CYP2U1: variants seen among roughly 807,000 people sequenced by gnomAD.
CYP2U1 encodes cytochrome P450 2U1.
CYP2U1 carries 28 observed loss-of-function variants against 42.8 expected under a neutral mutation model. The ratio of observed to expected loss-of-function variants is 0.65; its 90% CI spans 0.48 to 0.90. CYP2U1 has a LOEUF of 0.90. Ranked by LOEUF, CYP2U1 falls within the 40% of genes least tolerant of loss-of-function variation. The pLI, the probability that CYP2U1 is intolerant of heterozygous loss-of-function variation, is 0.00. For missense variants in CYP2U1, 642 were observed against 693.8 expected (o/e 0.93, Z 0.84); for synonymous variants, 296 against 278.9 (o/e 1.06, Z -0.61).
rs1365725363 is a variant in CYP2U1 at position 107,934,020 on chromosome 4, G to T, written c.490+1887G>T. The stretch of plus-strand genomic sequence containing the variant: ...ATTGTGAATAATGCTGCTATAAATA[G>T]AAGGGGGCAAATATCTGAGTCCCTA... On this transcript the variant is annotated intron_variant, in intron 1 of 4. Transcript: ENST00000332884. Among the ~76,000 whole-genome samples, 6 of 152,254 alleles carry T rather than the reference G, an allele frequency of 3.9e-5. No individual in the cohort carries two copies. The South Asian group carries it at 1.2e-3, about 32-fold the overall frequency.
rs762803049 is a variant in CYP2U1 at position 107,944,851 on chromosome 4, T to TA, written c.491-119_491-118insA. 38,829 of 169,300 alleles carry TA rather than the reference T, an allele frequency of 0.23. 7,688 individuals carry two copies. Among genetic ancestry groups the TA allele is most frequent in the Non-Finnish European group, 0.27 (24,922 of 92,772 alleles). 10.5% of individuals were successfully genotyped at this position (169,300 alleles called of 1,614,324 possible). A position where few individuals can be genotyped will look rare whatever the true frequency, so the allele number is the denominator to read the frequency against. On this transcript the variant is annotated intron_variant, in intron 1 of 4. Transcript: ENST00000332884. ...GTCTTTATATATACATATATATATA[T>TA]TTATATGAGGAATTTTCCATAAGTG...
intron 1 of CYP2U1, among the ~76,000 whole-genome samples, chr4:107,939,907 T>C (rs1050224853): frequency 6.6e-6 from 1 of 152,094 alleles, no homozygotes; most frequent in Non-Finnish European, 1.5e-5. Context: ...GACAGAACTC[T>C]TGAAGTGCTT....
At chr4:107,943,226 G>A (rs1229498125) in intron 1 of CYP2U1, among the ~76,000 whole-genome samples, 1 of 152,154 alleles carries the variant, frequency 6.6e-6, no homozygotes, top group Non-Finnish European at 1.5e-5. Context: ...GAACAAATGA[G>A]AACATTTAAA....
intron 1 of CYP2U1, among the ~76,000 whole-genome samples, chr4:107,943,497 T>A (rs1297942170): frequency 6.6e-6 from 1 of 152,294 alleles, no homozygotes; most frequent in African/African-American, 2.4e-5. Context: ...GGAAGAAATA[T>A]AATTCAGGAA....
rs374845038 is a variant in CYP2U1 at position 107,944,839 on chromosome 4, C to CATATAT, written c.491-124_491-119dup. ...TCTTGACTAGTGGTCTTTATATATACATATATATATATTTATATGAGGAAT... is the reference window on the plus strand; with the variant it reads ...TCTTGACTAGTGGTCTTTATATATACATATATATATATATATATTTATATGAGGAAT... On this transcript the variant is annotated intron_variant, in intron 1 of 4. Transcript: ENST00000332884. 5.5e-3 allele frequency: 352 copies of CATATAT among 64,114 alleles called. 66 individuals are homozygous for CATATAT. Among genetic ancestry groups the CATATAT allele is most frequent in the African/African-American group, 0.014 (219 of 15,576 alleles). 4.0% of individuals were successfully genotyped at this position (64,114 alleles called of 1,614,324 possible). A position where few individuals can be genotyped will look rare whatever the true frequency, so the allele number is the denominator to read the frequency against.
At chr4:107,939,253 G>C (rs895398264) in intron 1 of CYP2U1, 10 of 152,280 alleles carry the variant, frequency 6.6e-5, no homozygotes, top group African/African-American at 2.4e-4. Flanking sequence ...CAAGAGAAGA[G>C]GAGGCCCACC....
At chr4:107,932,208 C>CT in intron 1 of CYP2U1, 75 bp downstream of exon 1, 1 of 1,497,570 alleles carries the variant, frequency 6.7e-7, no homozygotes, top group Non-Finnish European at 8.9e-7. Flanking sequence ...GCTGCAGTTC[C>CT]TGTGCCCCTT....
intron 1 of CYP2U1, chr4:107,940,692 T>C (rs1401563241): frequency 6.6e-6 from 1 of 152,180 alleles, no homozygotes; most frequent in Non-Finnish European, 1.5e-5. Flanking sequence ...GATTTGGCCT[T>C]TGGGCTGTAG....
At chr4:107,943,962 C>A (rs1371737247) in intron 1 of CYP2U1, among the ~76,000 whole-genome samples, 1 of 152,188 alleles carries the variant, frequency 6.6e-6, no homozygotes, top group African/African-American at 2.4e-5. Context: ...AAGTGAAAAT[C>A]AAATAGGATG....
chr4:107,949,500 T>C lies in CYP2U1; in HGVS notation c.1439T>C (p.Phe480Ser). 1 of 1,585,016 alleles carries C rather than the reference T, an allele frequency of 6.3e-7. No individual in the cohort carries two copies. Among genetic ancestry groups the C allele is most frequent in the Non-Finnish European group, 8.6e-7 (1 of 1,165,428 alleles). ...DQGQLIKKET[F>S]IPFGIGKRVC... The stretch of plus-strand genomic sequence containing the variant: ...GGACAACTAATTAAAAAAGAAACCT[T>C]TATTCCTTTTGGGATAGGTCAGTTA... Residue 480 changes from phenylalanine to serine, a missense_variant, in exon 4 of 5, where the codon TTT (phenylalanine) becomes TCT (serine). Coordinates refer to ENST00000332884, the MANE Select transcript of CYP2U1 (RefSeq NM_183075.3).
chr4:107,938,129 C>A (rs11723906), intron 1 of CYP2U1: 1 of 151,874 alleles, frequency 6.6e-6, no homozygotes, highest in African/African-American at 2.4e-5. Context: ...GGTTGAACGG[C>A]AGATGCCATA....
chr4:107,940,592 G>A (rs1733454479), intron 1 of CYP2U1: 2 of 87,066 alleles, frequency 2.3e-5, no homozygotes, highest in Non-Finnish European at 4.4e-5. Context: ...TGCTTTTCAC[G>A]TATCAAAATA....
At chr4:107,932,310 A>C (rs1733038263) in intron 1 of CYP2U1, 177 bp downstream of exon 1, 1 of 702,036 alleles carries the variant, frequency 1.4e-6, no homozygotes, top group African/African-American at 1.9e-5. Context: ...GATGCCTTTA[A>C]GATCCCATCA....
intron 1 of CYP2U1, 118 bp from the exon 2 acceptor site, chr4:107,944,852 T>TATATATATATATATATATA (rs536313224): frequency 5.4e-4 from 55 of 101,022 alleles, no homozygotes; most frequent in East Asian, 2.6e-3. Context: ...ATATATATAT[T>TATATATATATATATATATA]TATATGAGGA....
intron 1 of CYP2U1, among the ~76,000 whole-genome samples, chr4:107,944,636 T>C (rs1421601883): frequency 6.6e-6 from 1 of 151,528 alleles, no homozygotes; most frequent in Non-Finnish European, 1.5e-5. Context: ...CTGGATTCAC[T>C]CTTATGAAAT....
chr4:107,943,538 A>C (rs1733571894), intron 1 of CYP2U1, among the ~76,000 whole-genome samples: 1 of 152,226 alleles, frequency 6.6e-6, no homozygotes, highest in Admixed American at 6.5e-5. Flanking sequence ...AAATTCCCAA[A>C]TGATAACTAA....
At position 107,945,586 on chromosome 4, in the gene CYP2U1, G is replaced by A. The variant is rs758032010; in HGVS notation, c.1107G>A (p.Ser369=). 20 of 1,585,714 alleles carry A rather than the reference G, an allele frequency of 1.3e-5. 1 individual carries two copies. The Admixed American group carries it at 1.6e-4, about 13-fold the overall frequency. ...NSLLWCLLYM[S]LNPDVQEKVH... ...TGCTCTGGTGCCTGCTGTATATGTC[G>A]CTGAACCCCGATGTACAAGGTAATT... The change falls in exon 2 of 5, where the codon TCG becomes TCA. Residue 369 remains serine, a synonymous_variant. Transcript: ENST00000332884.
Position 107,931,738 on chromosome 4 carries a change from C to A in CYP2U1, c.95C>A (p.Pro32His). 1 of 1,419,944 alleles carries A rather than the reference C, an allele frequency of 7.0e-7. No individual in the cohort carries two copies. Among genetic ancestry groups the A allele is most frequent in the Non-Finnish European group, 9.1e-7 (1 of 1,096,834 alleles). The allele number at this position is 1,419,944 out of a possible 1,614,324, so 88.0% of individuals were successfully genotyped here. The change falls in exon 1 of 5, where the codon CCC (proline) becomes CAC (histidine). Residue 32 changes from proline to histidine, a missense_variant. Physicochemically the swap from Pro to His is moderately conservative, Grantham distance 77. Coordinates refer to ENST00000332884, the MANE Select transcript of CYP2U1 (RefSeq NM_183075.3). ...RAPLGLLRLDPSGGALLLCGL... is the reference protein window; with the variant it reads ...RAPLGLLRLDHSGGALLLCGL... ...CCTCTGGGGCTGCTGCGGCTGGACCCCAGCGGGGGCGCGCTGCTGCTATGC... is the reference window on the plus strand; with the variant it reads ...CCTCTGGGGCTGCTGCGGCTGGACCACAGCGGGGGCGCGCTGCTGCTATGC...
chr4:107,951,889 G>C lies in CYP2U1; in HGVS notation c.*1466G>C, dbSNP rs1733921407. 1 of 152,156 alleles carries C rather than the reference G, an allele frequency of 6.6e-6. No individual in the cohort carries two copies. Among genetic ancestry groups the C allele is most frequent in the South Asian group, 2.1e-4 (1 of 4,822 alleles). 9.4% of individuals were successfully genotyped at this position (152,156 alleles called of 1,614,324 possible). Reference sequence around the variant, plus strand: ...GTGGATGAAGCTGAGGCTTATAGTAGGTAAGGCACAAAGTTAAAAAGTAAC... The same window carrying C: ...GTGGATGAAGCTGAGGCTTATAGTACGTAAGGCACAAAGTTAAAAAGTAAC... On this transcript the variant is annotated 3_prime_UTR_variant, in exon 5 of 5. Coordinates refer to ENST00000332884, the MANE Select transcript of CYP2U1 (RefSeq NM_183075.3).
Sources: allele counts gnomAD v4.1 joint callset (sites outside exome capture counted in the v4.1 genomes callset), GRCh38; gene constraint gnomAD v4.1.1; transcripts MANE v1.5; gene names NCBI Gene and HGNC (gene_info 2026-07-23, HGNC 2026-07-21).